Variants in ADK observed in about 807,000 individuals in gnomAD.
ADK encodes the protein adenosine kinase.
In ADK, 24 loss-of-function variants were observed where a neutral mutation model predicts 44.7. That is an observed-to-expected ratio of 0.54 (90% CI 0.39 to 0.76). The LOEUF is 0.76. Ranked by LOEUF, ADK falls within the 30% of genes least tolerant of loss-of-function variation. The pLI, the probability that ADK is intolerant of heterozygous loss-of-function variation, is 0.00. For synonymous variants in ADK, 128 were observed against 142.6 expected, an observed-to-expected ratio of 0.90 and a Z score of 0.73; for missense variants, 321 against 425.1, an observed-to-expected ratio of 0.76 and a Z score of 2.15.
intron 4 of ADK, among the ~76,000 whole-genome samples, chr10:74,333,206 T>C (rs1056845000): frequency 2.6e-5 from 4 of 152,184 alleles, no homozygotes; most frequent in African/African-American, 9.7e-5. Flanking sequence ...AATTTAAATT[T>C]GTGATTGAGA....
intron 9 of ADK, among the ~76,000 whole-genome samples, chr10:74,659,748 A>T (rs1471197998): frequency 6.6e-6 from 1 of 152,226 alleles, no homozygotes; most frequent in Admixed American, 6.5e-5. Context: ...GGCAGGAAGC[A>T]TCCAGCGCAG....
chr10:74,390,320 G>A (rs1359929715), intron 4 of ADK, among the ~76,000 whole-genome samples: 5 of 152,060 alleles, frequency 3.3e-5, no homozygotes, highest in Non-Finnish European at 7.4e-5. Flanking sequence ...GATAAATGGA[G>A]TGATAATATC....
chr10:74,630,191 CA>C (rs1853359774), intron 9 of ADK, among the ~76,000 whole-genome samples: 1 of 151,870 alleles, frequency 6.6e-6, no homozygotes, highest in South Asian at 2.1e-4. Context: ...GTACATATAT[CA>C]AAACCAAGGA....
At chr10:74,198,475 A>C (rs1195040295) in intron 1 of ADK, among the ~76,000 whole-genome samples, 1 of 152,244 alleles carries the variant, frequency 6.6e-6, no homozygotes, top group African/African-American at 2.4e-5. Context: ...TATAGGCTGT[A>C]CCTCATTCTC....
intron 3 of ADK, among the ~76,000 whole-genome samples, chr10:74,298,865 A>G (rs1252217681): frequency 6.6e-6 from 1 of 152,142 alleles, no homozygotes; most frequent in Admixed American, 6.5e-5. Context: ...GATCCGTTTG[A>G]TCCCAGGAGT....
intron 4 of ADK, among the ~76,000 whole-genome samples, chr10:74,387,159 A>G (rs1050709290): frequency 2.7e-5 from 4 of 150,664 alleles, no homozygotes; most frequent in African/African-American, 9.8e-5. Context: ...CTGTTCTTGA[A>G]CTCCTGACCT....
At chr10:74,323,259 G>A (rs1352874182) in intron 4 of ADK, among the ~76,000 whole-genome samples, 6 of 152,052 alleles carry the variant, frequency 3.9e-5, no homozygotes, top group African/African-American at 1.4e-4. Context: ...AATGAAAATT[G>A]AACTCAGACT....
intron 4 of ADK, among the ~76,000 whole-genome samples, chr10:74,327,332 C>A (rs1320491059): frequency 6.6e-6 from 1 of 152,010 alleles, no homozygotes; most frequent in African/African-American, 2.4e-5. Flanking sequence ...TTATTGACTT[C>A]TAGTTTATGC....
At chr10:74,160,419 C>G (rs1022427495) in intron 1 of ADK, among the ~76,000 whole-genome samples, 1 of 152,236 alleles carries the variant, frequency 6.6e-6, no homozygotes, top group African/African-American at 2.4e-5. Flanking sequence ...TGGGGTAGCC[C>G]TGCTCTGCAA....
chr10:74,673,508 AGC>A (rs1331073644), intron 10 of ADK, among the ~76,000 whole-genome samples: 1 of 152,148 alleles, frequency 6.6e-6, no homozygotes, highest in Non-Finnish European at 1.5e-5. Flanking sequence ...AGCTGGGCTG[AGC>A]GCTTTTGGGC....
rs71307708 is a variant in ADK, at chr10:74,667,530, A to ATT, written c.878-2639_878-2638dup. Among the ~76,000 whole-genome samples the ATT allele has an allele frequency of 2.9e-4, 41 of 140,396 alleles. No individual in the cohort carries two copies. In the South Asian group the frequency reaches 3.2e-3, roughly 11 times the overall value. 92.1% of individuals were successfully genotyped at this position (140,396 alleles called of 152,430 possible). On this transcript the variant is annotated intron_variant, in intron 9 of 10. Coordinates refer to ENST00000539909, the MANE Select transcript of ADK (RefSeq NM_006721.4). ...CAGCAATTTAGATAAATAAGTCATG[A>ATT]TTTTTTTTTTTTTTTCCTCCGAGAG...
At chr10:74,696,268 G>T (rs1856198377) in intron 10 of ADK, among the ~76,000 whole-genome samples, 1 of 151,248 alleles carries the variant, frequency 6.6e-6, no homozygotes, top group African/African-American at 2.4e-5. Context: ...TGATCCACCA[G>T]CCTCGGCCTC....
chr10:74,528,474 A>G (rs1849147996), intron 7 of ADK, among the ~76,000 whole-genome samples: 1 of 151,970 alleles, frequency 6.6e-6, no homozygotes, highest in South Asian at 2.1e-4. Context: ...TTAAAAAAAA[A>G]AAAAAGACTC....
intron 2 of ADK, among the ~76,000 whole-genome samples, chr10:74,222,961 T>G (rs1211110439): frequency 6.6e-6 from 1 of 151,942 alleles, no homozygotes; most frequent in Non-Finnish European, 1.5e-5. Flanking sequence ...TGCATACATA[T>G]GCAACTAACC....
In ADK at chr10:74,303,585, G is replaced by GTTTTTTTTTTTTTTTTT. The variant is rs1282565148; in HGVS notation, c.195-11080_195-11079insTTTTTTTTTTTTTTTTT. Among the ~76,000 whole-genome samples, 201 of 64,626 alleles carry GTTTTTTTTTTTTTTTTT rather than the reference G, an allele frequency of 3.1e-3. 46 individuals are homozygous for GTTTTTTTTTTTTTTTTT. The highest frequency in any genetic ancestry group is 0.02 in the Middle Eastern group (2 of 102). The allele number at this position is 64,626 out of a possible 152,430, so 42.4% of individuals were successfully genotyped here. A position where few individuals can be genotyped will look rare whatever the true frequency, so the allele number is the denominator to read the frequency against. On this transcript the variant is annotated intron_variant, in intron 3 of 10. Transcript: ENST00000539909. ...AAACACTTTTCATATTGGTTTTAAT[G>GTTTTTTTTTTTTTTTTT]TTGTTTTTTTTTTTTTTTTTTTTTT...
At chr10:74,345,432 T>C (rs1701067401) in intron 4 of ADK, among the ~76,000 whole-genome samples, 2 of 152,062 alleles carry the variant, frequency 1.3e-5, no homozygotes, top group Admixed American at 1.3e-4. Flanking sequence ...CTCAGTCTCC[T>C]GAGTAGCTGG....
chr10:74,688,729 A>G (rs1855876242), intron 10 of ADK, among the ~76,000 whole-genome samples: 1 of 152,110 alleles, frequency 6.6e-6, no homozygotes, highest in Non-Finnish European at 1.5e-5. Context: ...AACCAGAGCA[A>G]TATCGTGAGA....
Position 74,314,560 on chromosome 10 carries a change from A to G in ADK, c.195-107A>G, listed in dbSNP as rs959557425. 9.7e-6 allele frequency: 7 copies of G among 718,920 alleles called. No individual in the cohort carries two copies. In the Admixed American group the frequency reaches 1.5e-4, roughly 16 times the overall value. 44.5% of individuals were successfully genotyped at this position (718,920 alleles called of 1,614,324 possible). On this transcript the variant is annotated intron_variant, in intron 3 of 10. Coordinates refer to ENST00000539909, the MANE Select transcript of ADK (RefSeq NM_006721.4). ...CATTTATTCAACATACTTAAACAATAAAAACATTTTACTATTTGTGTTTTA... is the reference window on the plus strand; with the variant it reads ...CATTTATTCAACATACTTAAACAATGAAAACATTTTACTATTTGTGTTTTA...
chr10:74,353,571 A>T (rs945741059), intron 4 of ADK, among the ~76,000 whole-genome samples: 10 of 19,448 alleles, frequency 5.1e-4, no homozygotes, highest in African/African-American at 1.1e-3. Flanking sequence ...ACTTAAAGTT[A>T]AAAAAAAAAA....
Sources: allele counts gnomAD v4.1 joint callset (sites outside exome capture counted in the v4.1 genomes callset), GRCh38; gene constraint gnomAD v4.1.1; transcripts MANE v1.5; gene names NCBI Gene and HGNC (gene_info 2026-07-23, HGNC 2026-07-21).